Variants in VSTM1 observed in about 807,000 individuals in gnomAD.
The protein encoded by VSTM1 is V-set and transmembrane domain-containing protein 1.
VSTM1 carries 27 observed loss-of-function variants against 33.1 expected under a neutral mutation model. The ratio of observed to expected loss-of-function variants is 0.82; its 90% CI spans 0.60 to 1.12. The LOEUF is 1.12. Among genes scored for constraint, VSTM1 ranks in the 50% most tolerant of loss-of-function variants. VSTM1 has a pLI of 0.00. For missense variants in VSTM1, 304 were observed against 288.9 expected (o/e 1.05, Z -0.38); for synonymous variants, 115 against 110.3 (o/e 1.04, Z -0.27).
chr19:54,063,705 A>T (rs897198514), intron 1 of VSTM1, 39 bp downstream of exon 1: 33 of 1,611,914 alleles, frequency 2.0e-5, no homozygotes, highest in Admixed American at 1.3e-4. Context: ...AGTTTTTCTC[A>T]CCAGCCCAAG....
rs10413443 is a variant in VSTM1, at chr19:54,052,839, G to A, written c.356-1391C>T. The A allele has an allele frequency of 4.0e-3, 586 of 147,168 alleles. 88 individuals carry two copies. The highest frequency in any genetic ancestry group is 0.014 in the African/African-American group (549 of 38,000). 9.1% of individuals were successfully genotyped at this position (147,168 alleles called of 1,614,324 possible). A position where few individuals can be genotyped will look rare whatever the true frequency, so the allele number is the denominator to read the frequency against. The stretch of plus-strand genomic sequence containing the variant: ...TATTTTCCAAAAGCAGCCAGAGGCC[G>A]GGCATGATGGCCTGTGCCTGTAATC... On this transcript the variant is annotated intron_variant, in intron 3 of 8. Coordinates refer to ENST00000338372, the MANE Select transcript of VSTM1 (RefSeq NM_198481.4).
intron 4 of VSTM1, among the ~76,000 whole-genome samples, chr19:54,050,143 C>T (rs1270545389): frequency 5.9e-5 from 9 of 151,480 alleles, no homozygotes; most frequent in Admixed American, 2.6e-4. Context: ...GGAATACAGG[C>T]GCCCACCACA....
At chr19:54,048,542 G>T (rs1234487668) in intron 4 of VSTM1, 1 of 182,684 alleles carries the variant, frequency 5.5e-6, no homozygotes, top group African/African-American at 2.4e-5. Context: ...TGTTGACAAG[G>T]ATGTGGAGAT....
chr19:54,057,405 C>G (rs1372066320), intron 3 of VSTM1, among the ~76,000 whole-genome samples: 2 of 150,852 alleles, frequency 1.3e-5, no homozygotes, highest in African/African-American at 4.9e-5. Flanking sequence ...CTCCCAGCTA[C>G]TTGGGAGGCT....
chr19:54,057,467 T>C (rs1440076243), intron 3 of VSTM1, among the ~76,000 whole-genome samples: 2 of 150,950 alleles, frequency 1.3e-5, no homozygotes, highest in Non-Finnish European at 3.0e-5. Flanking sequence ...GTGAATTGTG[T>C]TCATGCCACT....
chr19:54,057,814 A>T (rs1484536402), intron 3 of VSTM1, among the ~76,000 whole-genome samples: 5 of 150,804 alleles, frequency 3.3e-5, no homozygotes, highest in Non-Finnish European at 7.4e-5. Flanking sequence ...CTCTCAAAAA[A>T]AAAAAAAAGG....
intron 4 of VSTM1, among the ~76,000 whole-genome samples, chr19:54,045,432 C>T (rs114123796): frequency 0.018 from 2,690 of 152,202 alleles, 74 homozygotes; most frequent in African/African-American, 0.061. Flanking sequence ...TCTTGTTAAT[C>T]TATCACTTAT....
At position 54,051,435 on chromosome 19, in the gene VSTM1, T is replaced by C; in HGVS notation, c.369A>G (p.Glu123=). The C allele has an allele frequency of 6.3e-7, 1 of 1,595,298 alleles. No individual in the cohort carries two copies. Among genetic ancestry groups the C allele is most frequent in the Non-Finnish European group, 8.5e-7 (1 of 1,174,742 alleles). The change falls in exon 4 of 9, where the codon GAA becomes GAG. Residue 123 remains glutamate, a synonymous_variant. Transcript: ENST00000338372. ...CTGTTTTCATTGAGGGAGCTTCAAG[T>C]TCATCGTGTTTATCTAGAAAATAGG... The part of the protein sequence containing the change: ...LQLVVTDKHD[E]LEAPSMKTDT...
Position 54,059,059 on chromosome 19 carries a change from CTT to C in VSTM1, c.35-329_35-328del, listed in dbSNP as rs68002308. Among the ~76,000 whole-genome samples the C allele has an allele frequency of 1.3e-3, 131 of 104,178 alleles. 1 individual carries two copies. The highest frequency in any genetic ancestry group is 2.5e-3 in the East Asian group (10 of 3,946). The allele number at this position is 104,178 out of a possible 152,430, so 68.3% of individuals were successfully genotyped here. On this transcript the variant is annotated intron_variant, in intron 1 of 8. Coordinates refer to ENST00000338372, the MANE Select transcript of VSTM1 (RefSeq NM_198481.4). ...AGAAAATTCCAGCAACTTCTTCTTT[CTT>C]TTTTTTTTTTTTTTTTTGAAATGTA... is the stretch of plus-strand genomic sequence containing the variant.
chr19:54,050,647 C>A (rs1419943197), intron 4 of VSTM1, among the ~76,000 whole-genome samples: 4 of 152,128 alleles, frequency 2.6e-5, no homozygotes, highest in Non-Finnish European at 5.9e-5. Flanking sequence ...CCCCCCAAAA[C>A]ACAGCAGTTT....
chr19:54,041,802 T>G lies in VSTM1; in HGVS notation c.568A>C (p.Asn190His). ...EQEAAEADLS[N>H]MERVSLSTAD... Reference sequence around the variant, plus strand: ...ACCGAGAGAGATACCCTTTCCATATTGGATAAATCTGCCTCTGAGTGAGAA... The same window carrying G: ...ACCGAGAGAGATACCCTTTCCATATGGGATAAATCTGCCTCTGAGTGAGAA... The change falls in exon 8 of 9, where the codon AAT (asparagine) becomes CAT (histidine). Residue 190 changes from asparagine to histidine, a missense_variant. Asn to His is a moderately conservative substitution (Grantham distance 68). Coordinates refer to ENST00000338372, the MANE Select transcript of VSTM1 (RefSeq NM_198481.4). 6.2e-7 allele frequency: 1 copy of G among 1,613,728 alleles called. No homozygotes were observed. Among genetic ancestry groups the G allele is most frequent in the Non-Finnish European group, 8.5e-7 (1 of 1,179,932 alleles).
Position 54,058,698 on chromosome 19 carries a change from A to T in VSTM1, c.69T>A (p.Asn23Lys). Residue 23 changes from asparagine (N) to lysine (K), a missense_variant and splice_region_variant, in exon 2 of 9, where the codon AAT (asparagine) becomes AAA (lysine). Asn to Lys is a moderately conservative substitution (Grantham distance 94). Coordinates refer to ENST00000338372, the MANE Select transcript of VSTM1 (RefSeq NM_198481.4). ...LCLGYEDEKKNEKPPKPSLHA... is the reference protein window; with the variant it reads ...LCLGYEDEKKKEKPPKPSLHA... The stretch of plus-strand genomic sequence containing the variant: ...AAGTTTAAGTAGGAGAAAACTCACC[A>T]TTCTTTTTCTCATCTTCGTAGCCCA... 3 of 1,613,996 alleles carry T rather than the reference A, an allele frequency of 1.9e-6. No individual in the cohort carries two copies. Among genetic ancestry groups the T allele is most frequent in the Non-Finnish European group, 2.5e-6 (3 of 1,179,994 alleles).
At chr19:54,050,632 C>T (rs2070791015) in intron 4 of VSTM1, among the ~76,000 whole-genome samples, 1 of 152,070 alleles carries the variant, frequency 6.6e-6, no homozygotes, top group Non-Finnish European at 1.5e-5. Context: ...TCCCCTCATC[C>T]TCCACCCCCC....
Position 54,058,342 on chromosome 19 carries a change from AC to A in VSTM1, c.318del (p.Trp106CysfsTer24). Reference sequence around the variant, plus strand: ...AGCTGCAAGTGTTCACTGCTTTCTGACCACTCATGGGAGGCTGTTGTCTTGT... The same window carrying A: ...AGCTGCAAGTGTTCACTGCTTTCTGACACTCATGGGAGGCTGTTGTCTTGT... ...CAYKTTASHE[W>X]SESSEHLQLV... On this transcript the variant is annotated frameshift_variant, in exon 3 of 9. Transcript: ENST00000338372. LOFTEE classifies it high-confidence loss of function. The A allele has an allele frequency of 1.2e-6, 2 of 1,613,954 alleles. No individual in the cohort carries two copies.
chr19:54,054,786 TGA>T (rs1208582527), intron 3 of VSTM1, among the ~76,000 whole-genome samples: 6 of 135,900 alleles, frequency 4.4e-5, no homozygotes, highest in African/African-American at 1.7e-4. Context: ...GATAGATGGA[TGA>T]AGGGGTGGGT....
At chr19:54,060,669 G>A (rs1600167833) in intron 1 of VSTM1, among the ~76,000 whole-genome samples, 1 of 152,070 alleles carries the variant, frequency 6.6e-6, no homozygotes, top group Non-Finnish European at 1.5e-5. Context: ...TCCACCCATC[G>A]TCTGTTCAAA....
intron 3 of VSTM1, among the ~76,000 whole-genome samples, chr19:54,052,248 G>C (rs929654611): frequency 1.3e-5 from 2 of 150,068 alleles, no homozygotes; most frequent in Non-Finnish European, 3.0e-5. Context: ...AATACAAAAA[G>C]TTAGCCGAGC....
chr19:54,048,936 T>A (rs1373129690), intron 4 of VSTM1, among the ~76,000 whole-genome samples: 1 of 151,822 alleles, frequency 6.6e-6, no homozygotes, highest in East Asian at 1.9e-4. Flanking sequence ...ATACACAAAT[T>A]AGCTAGGCAT....
rs747388546 is a variant in VSTM1, at chr19:54,058,495, C to T, written c.166G>A (p.Val56Met). 1.9e-6 allele frequency: 3 copies of T among 1,614,094 alleles called. No individual in the cohort carries two copies. The highest frequency in any genetic ancestry group is 1.1e-5 in the South Asian group (1 of 91,074). ...TLKCQAHSQN[V>M]TFVLRKVNDS... ...TTCACCTTGCGCAGCACAAATGTCACATTCTGGGAATGAGCCTGACACTTC... is the reference window on the plus strand; with the variant it reads ...TTCACCTTGCGCAGCACAAATGTCATATTCTGGGAATGAGCCTGACACTTC... Residue 56 changes from valine to methionine, a missense_variant, in exon 3 of 9, where the codon GTG becomes ATG. Physicochemically the swap from Val to Met is conservative, Grantham distance 21. Transcript: ENST00000338372.
Sources: allele counts gnomAD v4.1 joint callset (sites outside exome capture counted in the v4.1 genomes callset), GRCh38; gene constraint gnomAD v4.1.1; transcripts MANE v1.5; gene names NCBI Gene and HGNC (gene_info 2026-07-23, HGNC 2026-07-21).